RHCG: variants seen among roughly 807,000 people sequenced by gnomAD.
The protein encoded by RHCG is ammonium transporter Rh type C.
Under a neutral mutation model 55.3 loss-of-function variants are expected in RHCG, and 39 were observed. The ratio of observed to expected loss-of-function variants is 0.70; its 90% CI spans 0.55 to 0.92. The LOEUF is 0.92. Ranked by LOEUF, RHCG falls within the 40% of genes least tolerant of loss-of-function variation. RHCG has a pLI of 0.00. For synonymous variants in RHCG, 250 were observed against 246.8 expected (o/e 1.01, Z -0.12); for missense variants, 635 against 627.9 (o/e 1.01, Z -0.12).
In RHCG at chr15:89,482,933, G is replaced by C. The variant is rs1961293191; in HGVS notation, c.522+134C>G. 3.5e-6 allele frequency: 3 copies of C among 852,412 alleles called. No homozygotes were observed. In the East Asian group the frequency reaches 8.1e-5, roughly 23 times the overall value. The allele number at this position is 852,412 out of a possible 1,614,324, so 52.8% of individuals were successfully genotyped here. ...ATATTATTACTCCCACTTTAGAGAT[G>C]AGAAAACTGAGTGACGTTCAGGAAG... On this transcript the variant is annotated intron_variant, in intron 3 of 10. Transcript: ENST00000268122.
intron 2 of RHCG, 194 bp downstream of exon 2, chr15:89,486,597 AGAGTGTGT>A (rs1369245707): frequency 1.9e-4 from 62 of 327,220 alleles, no homozygotes; most frequent in African/African-American, 4.3e-4. Flanking sequence ...AGAGAGAGAG[AGAGTGTGT>A]GTGTGTGTGT....
chr15:89,483,647 C>G (rs181477252), intron 2 of RHCG, among the ~76,000 whole-genome samples: 90 of 152,292 alleles, frequency 5.9e-4, no homozygotes, highest in Admixed American at 1.8e-3. Flanking sequence ...GTTTCTGCCT[C>G]CAGATCCTTA....
intron 2 of RHCG, 200 bp downstream of exon 2, chr15:89,486,599 A>AGAGAGTGTGAGTGTGT: frequency 3.7e-4 from 99 of 264,450 alleles, no homozygotes; most frequent in African/African-American, 2.1e-3. Flanking sequence ...AGAGAGAGAG[A>AGAGAGTGTGAGTGTGT]GTGTGTGTGT....
At chr15:89,482,370 T>C (rs958532360) in intron 3 of RHCG, among the ~76,000 whole-genome samples, 2 of 152,118 alleles carry the variant, frequency 1.3e-5, no homozygotes, top group Non-Finnish European at 2.9e-5. Context: ...ATCTGGTAGC[T>C]GAAAAAAATT....
intron 1 of RHCG, among the ~76,000 whole-genome samples, chr15:89,493,482 T>C (rs1281310393): frequency 2.6e-5 from 4 of 152,192 alleles, no homozygotes; most frequent in Non-Finnish European, 5.9e-5. Flanking sequence ...GCTGGACTCC[T>C]CCGGAAACTG....
chr15:89,481,803 G>T (rs1425202038), intron 3 of RHCG, among the ~76,000 whole-genome samples: 1 of 151,888 alleles, frequency 6.6e-6, no homozygotes, highest in Non-Finnish European at 1.5e-5. Context: ...TTTTTTGTTT[G>T]TTTGTTTGTT....
At chr15:89,490,694 T>C (rs1961457747) in intron 1 of RHCG, among the ~76,000 whole-genome samples, 1 of 151,742 alleles carries the variant, frequency 6.6e-6, no homozygotes, top group Non-Finnish European at 1.5e-5. Context: ...ATGGCAGCGC[T>C]GTTGACAAAC....
intron 10 of RHCG, 126 bp downstream of exon 10, chr15:89,472,585 G>C (rs1961058356): frequency 5.4e-6 from 5 of 923,064 alleles, no homozygotes; most frequent in African/African-American, 1.7e-5. Flanking sequence ...CCTCAGGCAG[G>C]AGGGGTGGAA....
chr15:89,480,849 C>G (rs765993691), intron 3 of RHCG, among the ~76,000 whole-genome samples: 3 of 152,226 alleles, frequency 2.0e-5, no homozygotes, highest in African/African-American at 4.8e-5. Flanking sequence ...TTGCCCCTGG[C>G]GAGGGCCTGG....
At position 89,483,132 on chromosome 15, in the gene RHCG, T is replaced by G. The variant is rs1436815614; in HGVS notation, c.457A>C (p.Ile153Leu). 1 of 1,608,526 alleles carries G rather than the reference T, an allele frequency of 6.2e-7. No individual in the cohort carries two copies. Among genetic ancestry groups the G allele is most frequent in the Admixed American group, 1.7e-5 (1 of 59,934 alleles). Residue 153 changes from isoleucine (I) to leucine (L), a missense_variant, in exon 3 of 11, where the codon ATC becomes CTC. Physicochemically the swap from Ile to Leu is conservative, Grantham distance 5. Coordinates refer to ENST00000268122, the MANE Select transcript of RHCG (RefSeq NM_016321.3). ...AGGGTCACTTGGAAGAAAGTCATGA[T>G]GAGCAGCTGAATGGGGCTGACTTTA... ...LGKVSPIQLL[I>L]MTFFQVTLFA...
At chr15:89,485,120 A>G (rs1429223312) in intron 2 of RHCG, among the ~76,000 whole-genome samples, 1 of 152,214 alleles carries the variant, frequency 6.6e-6, no homozygotes, top group East Asian at 1.9e-4. Context: ...CAGTTTTTCA[A>G]GTGACCAACT....
rs1273533945 is a variant in RHCG at position 89,471,552 on chromosome 15, T to C, written c.*328A>G. The C allele has an allele frequency of 6.6e-6, 1 of 152,474 alleles. No homozygotes were observed. Among genetic ancestry groups the C allele is most frequent in the Non-Finnish European group, 1.5e-5 (1 of 68,164 alleles). The allele number at this position is 152,474 out of a possible 1,614,324, so 9.4% of individuals were successfully genotyped here. On this transcript the variant is annotated 3_prime_UTR_variant, in exon 11 of 11. Coordinates refer to ENST00000268122, the MANE Select transcript of RHCG (RefSeq NM_016321.3). ...AGCCTCATAGGTGGTGACTGGCAGCTAAGTTGTCTCCTGGGAGAGCTCAGG... is the reference window on the plus strand; with the variant it reads ...AGCCTCATAGGTGGTGACTGGCAGCCAAGTTGTCTCCTGGGAGAGCTCAGG...
Position 89,483,234 on chromosome 15 carries a change from C to T in RHCG, c.372-17G>A, listed in dbSNP as rs202118425. ...TTGATGAGGCTGTGGGGAGACAGGC[C>T]AGTGGAGAAGCTGGGGCAATAGCAA... On this transcript the variant is annotated splice_polypyrimidine_tract_variant and intron_variant, in intron 2 of 10. Transcript: ENST00000268122. The T allele has an allele frequency of 6.2e-3, 9,468 of 1,522,156 alleles. 48 individuals carry two copies. The highest frequency in any genetic ancestry group is 7.9e-3 in the Non-Finnish European group (8,814 of 1,116,446). 94.3% of individuals were successfully genotyped at this position (1,522,156 alleles called of 1,614,324 possible). A position where few individuals can be genotyped will look rare whatever the true frequency, so the allele number is the denominator to read the frequency against.
chr15:89,482,836 C>T (rs902489457), intron 3 of RHCG, among the ~76,000 whole-genome samples: 1 of 152,214 alleles, frequency 6.6e-6, no homozygotes, highest in Non-Finnish European at 1.5e-5. Context: ...AAAAAAACAA[C>T]ATTCAAGGAA....
intron 4 of RHCG, 148 bp downstream of exon 4, chr15:89,480,113 G>A: frequency 1.0e-6 from 1 of 991,306 alleles, no homozygotes; most frequent in Non-Finnish European, 1.5e-6. Flanking sequence ...AAAAGAACTG[G>A]CAGCCATGCA....
At position 89,487,062 on chromosome 15, in the gene RHCG, C is replaced by T. The variant is rs1961387954; in HGVS notation, c.185-77G>A. On this transcript the variant is annotated intron_variant, in intron 1 of 10. Transcript: ENST00000268122. ...AGCCCTGGGTCTGGGCCAGGAAGGC[C>T]GGGGTAGCCCCTCAGTCTTCCCCGC... The T allele has an allele frequency of 6.0e-6, 8 of 1,329,242 alleles. No homozygotes were observed. In the South Asian group the frequency reaches 1.3e-4, roughly 22 times the overall value. The allele number at this position is 1,329,242 out of a possible 1,614,324, so 82.3% of individuals were successfully genotyped here.
chr15:89,478,060 G>C, intron 5 of RHCG, 86 bp from the exon 6 acceptor site: 3 of 1,502,004 alleles, frequency 2.0e-6, no homozygotes, highest in Non-Finnish European at 1.8e-6. Context: ...GGCTGTGCAA[G>C]GGTGCAGCCT....
chr15:89,493,778 C>G (rs76930457), intron 1 of RHCG, among the ~76,000 whole-genome samples: 1,907 of 152,256 alleles, frequency 0.013, 48 homozygotes, highest in African/African-American at 0.044. Flanking sequence ...GACCCCAGGG[C>G]TGCTCCTCTC....
intron 1 of RHCG, among the ~76,000 whole-genome samples, chr15:89,491,727 A>G (rs1356376071): frequency 6.6e-6 from 1 of 152,148 alleles, no homozygotes; most frequent in Non-Finnish European, 1.5e-5. Flanking sequence ...AGATTGTGCC[A>G]TCGCACTCCA....
Sources: gnomAD v4.1 joint callset for allele counts (sites outside exome capture counted in the v4.1 genomes callset) on GRCh38, gnomAD v4.1.1 for gene constraint, MANE v1.5 for transcripts, NCBI Gene and HGNC (gene_info 2026-07-23, HGNC 2026-07-21) for gene names.